Variants in TENM4 observed in about 807,000 individuals in gnomAD.
TENM4 encodes teneurin transmembrane protein 4.
Under a neutral mutation model 243.3 loss-of-function variants are expected in TENM4, and 82 were observed. The observed-to-expected ratio is 0.34, with a 90% CI of 0.28 to 0.40. The LOEUF is 0.40. Ranked by LOEUF, TENM4 falls within the 10% of genes least tolerant of loss-of-function variation. The pLI is 1.00. For synonymous variants in TENM4, 1,412 were observed against 1,456.3 expected, an observed-to-expected ratio of 0.97 and a Z score of 0.69; for missense variants, 3,138 against 3,673.3, an observed-to-expected ratio of 0.85 and a Z score of 3.77.
intron 6 of TENM4, among the ~76,000 whole-genome samples, chr11:78,975,101 G>C (rs1425227596): frequency 6.7e-6 from 1 of 148,166 alleles, no homozygotes; most frequent in African/African-American, 2.5e-5. Flanking sequence ...GGAGAGGCAT[G>C]CAGCCTCATG....
At chr11:79,111,543 T>TCAA (rs542498523) in intron 4 of TENM4, among the ~76,000 whole-genome samples, 134 of 151,990 alleles carry the variant, frequency 8.8e-4, no homozygotes, top group African/African-American at 2.7e-3. Context: ...AGACTCTGTC[T>TCAA]CAACAACAAC....
At chr11:78,835,656 G>A (rs1268407216) in intron 12 of TENM4, among the ~76,000 whole-genome samples, 2 of 152,016 alleles carry the variant, frequency 1.3e-5, no homozygotes, top group Non-Finnish European at 2.9e-5. Context: ...GTTTTAAACC[G>A]ATCCCCCCTT....
At chr11:79,276,487 G>T (rs762808981) in intron 2 of TENM4, among the ~76,000 whole-genome samples, 1 of 151,654 alleles carries the variant, frequency 6.6e-6, no homozygotes, top group African/African-American at 2.4e-5. Context: ...TGTTTGGAGG[G>T]GGGTGGGAGA....
chr11:78,907,562 T>A (rs1310655659), intron 6 of TENM4, among the ~76,000 whole-genome samples: 1 of 152,198 alleles, frequency 6.6e-6, no homozygotes, highest in Non-Finnish European at 1.5e-5. Context: ...AAGGGCACAC[T>A]TTCCTACTTC....
At chr11:79,080,458 G>A (rs553916390) in intron 4 of TENM4, among the ~76,000 whole-genome samples, 183 of 152,360 alleles carry the variant, frequency 1.2e-3, no homozygotes, top group Non-Finnish European at 1.9e-3. Flanking sequence ...TCCCTGGGCC[G>A]GGTCTGAAAA....
intron 1 of TENM4, among the ~76,000 whole-genome samples, chr11:79,429,660 G>A (rs1446179465): frequency 1.3e-5 from 2 of 152,158 alleles, no homozygotes; most frequent in African/African-American, 4.8e-5. Flanking sequence ...AAACCTGTTG[G>A]CATTTTTTCA....
At chr11:79,107,207 A>G (rs1861393211) in intron 4 of TENM4, among the ~76,000 whole-genome samples, 1 of 152,174 alleles carries the variant, frequency 6.6e-6, no homozygotes, top group Admixed American at 6.5e-5. Flanking sequence ...CATAATCACT[A>G]TGGCATGCTG....
At chr11:79,289,411 A>G (rs981721768) in intron 2 of TENM4, among the ~76,000 whole-genome samples, 2 of 152,238 alleles carry the variant, frequency 1.3e-5, no homozygotes, top group African/African-American at 4.8e-5. Flanking sequence ...GCTGACAGGT[A>G]TCAGTTGAGT....
chr11:78,754,843 G>A (rs12272614), intron 19 of TENM4, among the ~76,000 whole-genome samples: 102 of 152,264 alleles, frequency 6.7e-4, no homozygotes, highest in African/African-American at 2.4e-3. Context: ...TGGAGGGTTC[G>A]GACCATCAAG....
At chr11:78,693,484 T>C (rs978345672) in intron 28 of TENM4, among the ~76,000 whole-genome samples, 9 of 152,226 alleles carry the variant, frequency 5.9e-5, no homozygotes, top group Admixed American at 1.3e-4. Flanking sequence ...CACTGCAGTA[T>C]ATAGAAAACA....
intron 1 of TENM4, among the ~76,000 whole-genome samples, chr11:79,339,933 G>C (rs968511453): frequency 3.3e-5 from 5 of 152,114 alleles, no homozygotes; most frequent in Non-Finnish European, 7.4e-5. Flanking sequence ...GGCATGGGTG[G>C]GGGCCACAGG....
chr11:79,125,215 C>T (rs143661290), intron 4 of TENM4, among the ~76,000 whole-genome samples: 1 of 152,078 alleles, frequency 6.6e-6, no homozygotes, highest in African/African-American at 2.4e-5. Context: ...GGTTTAGTGA[C>T]TCTATACCTA....
rs566540322 is a variant in TENM4 at position 79,119,418 on chromosome 11, C to T, written c.-66+29292G>A. On this transcript the variant is annotated intron_variant, in intron 4 of 33. Transcript: ENST00000278550. ...ATCATTGTCATAACAATTCCATACCCACTTCAGGTCATTGATTTATAACTA... is the reference window on the plus strand; with the variant it reads ...ATCATTGTCATAACAATTCCATACCTACTTCAGGTCATTGATTTATAACTA... Among the ~76,000 whole-genome samples the T allele has an allele frequency of 1.8e-4, 28 of 151,844 alleles. No individual in the cohort carries two copies. The South Asian group carries it at 5.2e-3, about 28-fold the overall frequency.
At chr11:78,903,690 C>A in intron 6 of TENM4, 167 bp from the exon 7 acceptor site, 16 of 1,113,212 alleles carry the variant, frequency 1.4e-5, no homozygotes, top group Non-Finnish European at 2.1e-5. Context: ...GAGCACCTAC[C>A]ATTCTAGGTG....
At chr11:79,007,849 G>A (rs1297669388) in intron 6 of TENM4, among the ~76,000 whole-genome samples, 2 of 152,126 alleles carry the variant, frequency 1.3e-5, no homozygotes, top group Non-Finnish European at 2.9e-5. Flanking sequence ...CTGCACACTC[G>A]GCACAGGCCC....
At chr11:78,800,736 GGAGAGAGAGA>G (rs5792816) in intron 15 of TENM4, among the ~76,000 whole-genome samples, 19 of 144,274 alleles carry the variant, frequency 1.3e-4, no homozygotes, top group African/African-American at 4.1e-4. Flanking sequence ...AGTTCACAGG[GGAGAGAGAGA>G]GAGAGAGAGA....
chr11:79,248,412 G>A lies in TENM4; in HGVS notation c.-264-32503C>T, dbSNP rs17137943. On this transcript the variant is annotated intron_variant, in intron 2 of 33. Transcript: ENST00000278550. ...TATTACAGAGTTCCCATTAGTGCCA[G>A]AAAGCAACATTTTGCTGGCCACACA... 2.8e-3 allele frequency among the ~76,000 whole-genome samples: 433 copies of A among 152,262 alleles called. 2 individuals carry two copies. The highest frequency in any genetic ancestry group is 9.7e-3 in the African/African-American group (402 of 41,578).
intron 4 of TENM4, among the ~76,000 whole-genome samples, chr11:79,121,669 C>G (rs1198582660): frequency 6.6e-6 from 1 of 152,192 alleles, no homozygotes; most frequent in Non-Finnish European, 1.5e-5. Context: ...AGTGATCTGT[C>G]TGTGGCCACT....
At chr11:79,044,894 G>A (rs949385966) in intron 6 of TENM4, among the ~76,000 whole-genome samples, 2 of 152,128 alleles carry the variant, frequency 1.3e-5, no homozygotes, top group African/African-American at 4.8e-5. Context: ...TGAATAAAGC[G>A]AATAAGGTGC....
Sources: allele counts gnomAD v4.1 joint callset (sites outside exome capture counted in the v4.1 genomes callset), GRCh38; gene constraint gnomAD v4.1.1; transcripts MANE v1.5; gene names NCBI Gene and HGNC (gene_info 2026-07-23, HGNC 2026-07-21).